Variants in LINGO2 observed in about 807,000 individuals in gnomAD.
LINGO2 encodes leucine-rich repeat and immunoglobulin-like domain-containing nogo receptor-interacting protein 2.
LINGO2 carries 14 observed loss-of-function variants against 30.6 expected under a neutral mutation model. That is an observed-to-expected ratio of 0.46 (90% confidence interval 0.30 to 0.72). LINGO2 has a LOEUF of 0.72. LINGO2 is among the 30% of genes least tolerant of loss of function. The probability of loss-of-function intolerance (pLI) is 0.07; values close to 1 mark genes in which losing one functional copy is unlikely to be tolerated. For synonymous variants in LINGO2, 317 were observed against 288.5 expected, an observed-to-expected ratio of 1.10 and a Z score of -1.00; for missense variants, 729 against 751.7, an observed-to-expected ratio of 0.97 and a Z score of 0.35.
At chr9:29,125,358 A>G in the LINGO2 span, among the ~76,000 whole-genome samples, 17 of 152,226 alleles carry the variant, frequency 1.1e-4, no homozygotes, top group East Asian at 3.3e-3. Flanking sequence ...GCAAACCACC[A>G]TGGCACATAT....
intron 4 of LINGO2, among the ~76,000 whole-genome samples, chr9:28,028,137 TTC>T (rs1171955010): frequency 6.6e-6 from 1 of 152,210 alleles, no homozygotes; most frequent in African/African-American, 2.4e-5. Context: ...ATATTTGAAC[TTC>T]TGTTATTGAC....
At chr9:28,581,765 T>C (rs1824269295) in intron 1 of LINGO2, among the ~76,000 whole-genome samples, 1 of 151,876 alleles carries the variant, frequency 6.6e-6, no homozygotes, top group Non-Finnish European at 1.5e-5. Context: ...TGATCAATGG[T>C]TTTCCTTCTT....
the LINGO2 span, among the ~76,000 whole-genome samples, chr9:29,046,455 G>C: frequency 6.6e-6 from 1 of 151,992 alleles, no homozygotes; most frequent in East Asian, 1.9e-4. Context: ...GCACATCTAC[G>C]ACCATCTGAT....
At chr9:28,497,896 G>C (rs1819705932) in intron 1 of LINGO2, among the ~76,000 whole-genome samples, 1 of 152,214 alleles carries the variant, frequency 6.6e-6, no homozygotes, top group Admixed American at 6.5e-5. Flanking sequence ...CTCAGCTGCA[G>C]GTCTGCTGGA....
chr9:28,076,256 G>T (rs7849984), intron 4 of LINGO2, among the ~76,000 whole-genome samples: 10,558 of 151,992 alleles, frequency 0.069, 1,110 homozygotes, highest in African/African-American at 0.23. Context: ...TGATCTTTTT[G>T]TTTCTCATTT....
chr9:28,896,427 A>G, the LINGO2 span, among the ~76,000 whole-genome samples: 1 of 152,124 alleles, frequency 6.6e-6, no homozygotes, highest in African/African-American at 2.4e-5. Context: ...ACGTATCACT[A>G]TTTCAGAGTC....
chr9:29,048,595 A>G, the LINGO2 span, among the ~76,000 whole-genome samples: 1 of 152,170 alleles, frequency 6.6e-6, no homozygotes, highest in Admixed American at 6.5e-5. Flanking sequence ...AGTAACCAAA[A>G]CAGCATGTTA....
chr9:29,198,174 G>C, the LINGO2 span, among the ~76,000 whole-genome samples: 5 of 152,052 alleles, frequency 3.3e-5, 1 homozygote, highest in African/African-American at 7.2e-5. Flanking sequence ...TGTAGAACAA[G>C]ATGTTAAAAG....
intron 5 of LINGO2, among the ~76,000 whole-genome samples, chr9:27,990,470 C>CG (rs77923539): frequency 0.22 from 32,081 of 146,904 alleles, 3,723 homozygotes; most frequent in South Asian, 0.28. Flanking sequence ...ATACCCCCCC[C>CG]CCTTTTATTT....
the LINGO2 span, among the ~76,000 whole-genome samples, chr9:28,868,831 G>A: frequency 6.6e-6 from 1 of 152,026 alleles, no homozygotes; most frequent in South Asian, 2.1e-4. Context: ...GCTTAGCACT[G>A]TGGTTTTGCA....
the LINGO2 span, among the ~76,000 whole-genome samples, chr9:28,716,126 G>C: frequency 6.6e-6 from 1 of 150,686 alleles, no homozygotes; most frequent in African/African-American, 2.4e-5. Flanking sequence ...TCCTGTTTCT[G>C]TACACTTAAA....
chr9:28,704,180 T>C, the LINGO2 span, among the ~76,000 whole-genome samples: 4 of 126,642 alleles, frequency 3.2e-5, no homozygotes, highest in African/African-American at 9.6e-5. Flanking sequence ...TCCTTTTATC[T>C]TCACTTTTGA....
At chr9:28,702,665 G>A in the LINGO2 span, among the ~76,000 whole-genome samples, 1 of 151,824 alleles carries the variant, frequency 6.6e-6, no homozygotes, top group South Asian at 2.1e-4. Flanking sequence ...GAGTTAGAAA[G>A]TATTTCCTTC....
At chr9:28,922,724 AC>A in the LINGO2 span, among the ~76,000 whole-genome samples, 1 of 152,222 alleles carries the variant, frequency 6.6e-6, no homozygotes, top group East Asian at 1.9e-4. Context: ...ATTAAGTGTC[AC>A]TACTTTGCGA....
chr9:28,158,640 G>A (rs1828201857), intron 4 of LINGO2, among the ~76,000 whole-genome samples: 1 of 152,162 alleles, frequency 6.6e-6, no homozygotes, highest in African/African-American at 2.4e-5. Flanking sequence ...AGGGAGGCTT[G>A]TGTTATGATA....
Position 28,463,116 on chromosome 9 carries a change from A to G in LINGO2, c.-279+12824T>C, listed in dbSNP as rs566237868. The stretch of plus-strand genomic sequence containing the variant: ...AATAGCGCTTTTTTTTTTCCTATCA[A>G]AAGTTTCTTGGTTTGGGCAACAAAT... On this transcript the variant is annotated intron_variant, in intron 2 of 5. Coordinates refer to ENST00000379992, the Ensembl canonical transcript of LINGO2. 5.5e-4 allele frequency among the ~76,000 whole-genome samples: 84 copies of G among 152,060 alleles called. 1 individual carries two copies. Among genetic ancestry groups the G allele is most frequent in the Middle Eastern group, 3.4e-3 (1 of 294 alleles).
At chr9:28,326,230 C>T (rs1457276699) in intron 3 of LINGO2, among the ~76,000 whole-genome samples, 1 of 152,186 alleles carries the variant, frequency 6.6e-6, no homozygotes, top group African/African-American at 2.4e-5. Flanking sequence ...TGGTCTGTAA[C>T]TCCTGACCTC....
intron 2 of LINGO2, among the ~76,000 whole-genome samples, chr9:28,384,035 T>A (rs71512441): frequency 1.9e-3 from 283 of 152,086 alleles, no homozygotes; most frequent in Non-Finnish European, 3.2e-3. Flanking sequence ...AAATAAAACA[T>A]TACACAATAC....
chr9:28,262,814 T>C (rs909216470), intron 4 of LINGO2, among the ~76,000 whole-genome samples: 2 of 151,960 alleles, frequency 1.3e-5, no homozygotes, highest in Non-Finnish European at 2.9e-5. Context: ...GAACACAAAA[T>C]TGAAGGCCAT....
Sources: allele counts gnomAD v4.1 joint callset (sites outside exome capture counted in the v4.1 genomes callset), GRCh38; gene constraint gnomAD v4.1.1; transcripts MANE v1.5; gene names NCBI Gene and HGNC (gene_info 2026-07-23, HGNC 2026-07-21).